The following HMGA2 variants were observed in gnomAD, a reference collection of about 807,000 sequenced individuals.
HMGA2 encodes the protein high mobility group protein HMGI-C.
HMGA2 carries 8 observed loss-of-function variants against 19.1 expected under a neutral mutation model. That is an observed-to-expected ratio of 0.42 (90% confidence interval 0.25 to 0.76). The LOEUF (loss-of-function observed/expected upper bound fraction) is 0.76. Among genes scored for constraint, HMGA2 ranks in the 30% least tolerant of loss-of-function variants. The pLI is 0.28. For synonymous variants in HMGA2, 60 were observed against 48.8 expected, an observed-to-expected ratio of 1.23 and a Z score of -0.96; for missense variants, 109 against 136.3, an observed-to-expected ratio of 0.80 and a Z score of 1.00.
intron 3 of HMGA2, chr12:65,842,506 A>C: frequency 9.5e-7 from 1 of 1,054,680 alleles, no homozygotes; most frequent in Non-Finnish European, 1.4e-6. Context: ...TTATGTCCTC[A>C]ATATATTTAT....
intron 3 of HMGA2, among the ~76,000 whole-genome samples, chr12:65,906,240 A>G (rs977951275): frequency 1.3e-5 from 2 of 152,218 alleles, no homozygotes; most frequent in African/African-American, 4.8e-5. Context: ...GGAAGTTGCC[A>G]TGAGGTCACA....
chr12:65,878,445 AG>A (rs1873173941), intron 3 of HMGA2, among the ~76,000 whole-genome samples: 1 of 152,254 alleles, frequency 6.6e-6, no homozygotes, highest in Non-Finnish European at 1.5e-5. Flanking sequence ...TAAAATAAGA[AG>A]CAAATTTTGG....
At chr12:65,886,923 C>G (rs1003478477) in intron 3 of HMGA2, among the ~76,000 whole-genome samples, 14 of 152,150 alleles carry the variant, frequency 9.2e-5, no homozygotes, top group African/African-American at 3.4e-4. Flanking sequence ...TTATTCATTG[C>G]CTTCCTCAGT....
At chr12:65,886,968 G>T (rs576153642) in intron 3 of HMGA2, among the ~76,000 whole-genome samples, 20 of 152,262 alleles carry the variant, frequency 1.3e-4, no homozygotes, top group African/African-American at 4.8e-4. Context: ...TGAACTACAG[G>T]TTATGAAATT....
At chr12:65,952,390 G>A in intron 4 of HMGA2, 1 of 1,534,894 alleles carries the variant, frequency 6.5e-7, no homozygotes, top group Non-Finnish European at 8.7e-7. Context: ...GACCACCCGG[G>A]CAATCTTATA....
intron 3 of HMGA2, among the ~76,000 whole-genome samples, chr12:65,882,792 A>T (rs919736537): frequency 1.2e-4 from 18 of 152,232 alleles, no homozygotes; most frequent in African/African-American, 4.1e-4. Flanking sequence ...CTTGAGATGG[A>T]AGTGAAGCAG....
chr12:65,950,369 C>T (rs1876416893), intron 3 of HMGA2, among the ~76,000 whole-genome samples: 1 of 152,126 alleles, frequency 6.6e-6, no homozygotes, highest in Non-Finnish European at 1.5e-5. Flanking sequence ...AATTATTTAG[C>T]ATGAAAAGGA....
chr12:65,918,479 T>C (rs1875188278), intron 3 of HMGA2, among the ~76,000 whole-genome samples: 1 of 152,202 alleles, frequency 6.6e-6, no homozygotes. Flanking sequence ...CTGTAAGTTT[T>C]TTTATGTTGA....
At chr12:65,934,453 C>A (rs562083280) in intron 3 of HMGA2, among the ~76,000 whole-genome samples, 2 of 152,234 alleles carry the variant, frequency 1.3e-5, no homozygotes, top group African/African-American at 4.8e-5. Context: ...TATACCCCAG[C>A]CCACTTGTTC....
rs539005470 is a variant in HMGA2 at position 65,940,881 on chromosome 12, G to A, written c.250-10502G>A. On this transcript the variant is annotated intron_variant, in intron 3 of 4. Transcript: ENST00000403681. Reference sequence around the variant, plus strand: ...ATCAGTCAGTGCACTTTTAAATCACGTTACAAACTATGTGTCACTGTTATG... The same window carrying A: ...ATCAGTCAGTGCACTTTTAAATCACATTACAAACTATGTGTCACTGTTATG... Among the ~76,000 whole-genome samples the A allele has an allele frequency of 1.6e-4, 25 of 152,238 alleles. No homozygotes were observed. The South Asian group carries it at 4.4e-3, about 26-fold the overall frequency.
chr12:65,894,325 T>G (rs569475415), intron 3 of HMGA2, among the ~76,000 whole-genome samples: 1 of 152,330 alleles, frequency 6.6e-6, no homozygotes, highest in South Asian at 2.1e-4. Context: ...ATGATCTATT[T>G]TCCAAGCTCA....
chr12:65,833,528 C>A (rs1303819535), intron 2 of HMGA2, among the ~76,000 whole-genome samples: 1 of 151,806 alleles, frequency 6.6e-6, no homozygotes, highest in African/African-American at 2.4e-5. Flanking sequence ...AAATTAATAG[C>A]CACCTAAACC....
chr12:65,853,340 C>T (rs1283440960), intron 3 of HMGA2, among the ~76,000 whole-genome samples: 1 of 152,080 alleles, frequency 6.6e-6, no homozygotes, highest in African/African-American at 2.4e-5. Context: ...ATATACTGTT[C>T]AAGTTTATAG....
At chr12:65,927,113 C>A (rs1302011329) in intron 3 of HMGA2, among the ~76,000 whole-genome samples, 3 of 152,124 alleles carry the variant, frequency 2.0e-5, no homozygotes, top group African/African-American at 7.2e-5. Flanking sequence ...TCATTTTAAA[C>A]GCACAACTTA....
chr12:65,894,926 C>T (rs758245682), intron 3 of HMGA2, among the ~76,000 whole-genome samples: 22 of 152,180 alleles, frequency 1.4e-4, no homozygotes, highest in Admixed American at 7.9e-4. Context: ...TGGAGAAGCA[C>T]GGTCCAAAGG....
intron 4 of HMGA2, chr12:65,956,012 G>C (rs77619368): frequency 5.3e-5 from 8 of 152,118 alleles, no homozygotes; most frequent in African/African-American, 1.9e-4. Context: ...TTTTACTGGG[G>C]GCTTTTAGTC....
At chr12:65,868,820 G>A (rs1324582709) in intron 3 of HMGA2, among the ~76,000 whole-genome samples, 3 of 152,090 alleles carry the variant, frequency 2.0e-5, no homozygotes, top group African/African-American at 7.2e-5. Context: ...GTGATTAGTG[G>A]TATTTATTGG....
At chr12:65,904,198 A>G (rs188689478) in intron 3 of HMGA2, among the ~76,000 whole-genome samples, 101 of 152,242 alleles carry the variant, frequency 6.6e-4, no homozygotes, top group South Asian at 2.5e-3. Context: ...TCATGGGTTG[A>G]GAGGCTGGGC....
intron 3 of HMGA2, among the ~76,000 whole-genome samples, chr12:65,938,825 G>A (rs760242064): frequency 1.8e-4 from 27 of 151,994 alleles, no homozygotes; most frequent in African/African-American, 4.3e-4. Flanking sequence ...CATCACACCC[G>A]GCTGATTTTT....
Sources: allele counts gnomAD v4.1 joint callset (sites outside exome capture counted in the v4.1 genomes callset), GRCh38; gene constraint gnomAD v4.1.1; transcripts MANE v1.5; gene names NCBI Gene and HGNC (gene_info 2026-07-23, HGNC 2026-07-21).